Variants in CACNA1B observed in about 807,000 individuals in gnomAD.
CACNA1B encodes the protein calcium voltage-gated channel subunit alpha1 B.
CACNA1B carries 70 observed loss-of-function variants against 247.2 expected under a neutral mutation model. The observed-to-expected ratio is 0.28, with a 90% CI of 0.23 to 0.35. CACNA1B has a LOEUF of 0.35. Ranked by LOEUF, CACNA1B falls within the 10% of genes least tolerant of loss-of-function variation. The pLI, the probability that CACNA1B is intolerant of heterozygous loss-of-function variation, is 1.00. For missense variants in CACNA1B, 2,367 were observed against 3,197.4 expected (o/e 0.74, Z 6.26); for synonymous variants, 1,231 against 1,294.4 (o/e 0.95, Z 1.05).
Position 137,931,003 on chromosome 9 carries a change from T to C in CACNA1B, c.966+13572T>C, listed in dbSNP as rs565502677. Among the ~76,000 whole-genome samples the C allele has an allele frequency of 2.0e-5, 3 of 152,274 alleles. No individual in the cohort carries two copies. In the East Asian group the frequency reaches 5.8e-4, roughly 29 times the overall value. The stretch of plus-strand genomic sequence containing the variant: ...TGTCACCCAGGATGGAGTTTAGTGG[T>C]GTGATGGTGTGCAATCTCAGCTCAT... On this transcript the variant is annotated intron_variant, in intron 6 of 46. Transcript: ENST00000371372.
At chr9:138,035,441 G>T (rs544030970) in intron 20 of CACNA1B, among the ~76,000 whole-genome samples, 36 of 152,274 alleles carry the variant, frequency 2.4e-4, no homozygotes, top group East Asian at 2.3e-3. Flanking sequence ...ACTTCAGCCT[G>T]GGCAACAGCG....
At chr9:138,024,509 A>T (rs1285864422) in intron 19 of CACNA1B, among the ~76,000 whole-genome samples, 1 of 152,170 alleles carries the variant, frequency 6.6e-6, no homozygotes, top group Non-Finnish European at 1.5e-5. Flanking sequence ...AAAGACACGG[A>T]GGTGTATAGA....
chr9:137,899,428 C>A lies in CACNA1B; in HGVS notation c.531-13752C>A, dbSNP rs1315884647. 2.0e-5 allele frequency among the ~76,000 whole-genome samples: 3 copies of A among 152,158 alleles called. No individual in the cohort carries two copies. Among genetic ancestry groups the A allele is most frequent in the Non-Finnish European group, 2.9e-5 (2 of 68,032 alleles). ...CAAAGAACTGTGTAGTCTGCCAACT[C>A]CTGAGGGTGTCATGAGAGTCCCTGG... On this transcript the variant is annotated intron_variant, in intron 3 of 46. Coordinates refer to ENST00000371372, the MANE Select transcript of CACNA1B (RefSeq NM_000718.4). The surrounding 1 kb of genome is among the most constrained non-coding windows in gnomAD (Gnocchi z 5.0).
intron 42 of CACNA1B, among the ~76,000 whole-genome samples, chr9:138,117,614 C>G (rs566697413): frequency 6.6e-6 from 1 of 152,198 alleles, no homozygotes; most frequent in Non-Finnish European, 1.5e-5. Context: ...TCCAGAGGAG[C>G]GGGTGACGGA....
chr9:138,115,433 C>T (rs529232578), intron 41 of CACNA1B, 119 bp from the exon 42 acceptor site: 1 of 1,085,354 alleles, frequency 9.2e-7, no homozygotes, highest in East Asian at 2.6e-5. Context: ...GGAAAGAGCC[C>T]TTAGGCTGGG....
At chr9:138,024,290 G>T (rs1375439084) in intron 19 of CACNA1B, among the ~76,000 whole-genome samples, 1 of 152,174 alleles carries the variant, frequency 6.6e-6, no homozygotes, top group Non-Finnish European at 1.5e-5. Context: ...ACCCCAGCTA[G>T]CCCAGCTTGC....
intron 3 of CACNA1B, chr9:137,892,239 C>T (rs1437931427): frequency 1.3e-5 from 6 of 456,694 alleles, no homozygotes. Context: ...ACATTTCCTT[C>T]TCAGTCCTGG....
At chr9:138,117,909 T>C in intron 42 of CACNA1B, 37 bp from the exon 43 acceptor site, 1 of 1,518,060 alleles carries the variant, frequency 6.6e-7, no homozygotes, top group Admixed American at 1.9e-5. Flanking sequence ...CTGCAGTCTC[T>C]GACCCTACAG....
At chr9:137,887,239 A>G (rs1408002234) in intron 3 of CACNA1B, among the ~76,000 whole-genome samples, 16 of 148,138 alleles carry the variant, frequency 1.1e-4, no homozygotes, top group Admixed American at 9.4e-4. Context: ...TGGTCCAGCC[A>G]TGTGGTGGGG....
At chr9:137,903,364 G>A (rs1226279536) in intron 3 of CACNA1B, among the ~76,000 whole-genome samples, 7 of 152,114 alleles carry the variant, frequency 4.6e-5, no homozygotes, top group East Asian at 1.9e-4. Context: ...CCAGCCTGGC[G>A]AGAGAGCGAG....
Position 137,888,399 on chromosome 9 carries a change from G to T in CACNA1B, c.530+5516G>T, listed in dbSNP as rs1428347739. On this transcript the variant is annotated intron_variant, in intron 3 of 46. Coordinates refer to ENST00000371372, the MANE Select transcript of CACNA1B (RefSeq NM_000718.4). This position sits in a 1 kb window ranked among gnomAD's most constrained non-coding sequence, Gnocchi z 4.7. ...CCTGTCAAGCCTCTGGCCCTGTGGG[G>T]CTGGTTGCACCTGGGGGTCAGGGAC... Among the ~76,000 whole-genome samples the T allele has an allele frequency of 2.6e-5, 4 of 152,160 alleles. No individual in the cohort carries two copies. Among genetic ancestry groups the T allele is most frequent in the African/African-American group, 9.7e-5 (4 of 41,450 alleles).
intron 42 of CACNA1B, among the ~76,000 whole-genome samples, chr9:138,116,222 G>A (rs1961864008): frequency 2.0e-5 from 3 of 151,578 alleles, no homozygotes; most frequent in South Asian, 2.1e-4. Flanking sequence ...TTCTAACCCC[G>A]TAAGGCACTT....
chr9:137,976,074 A>C, intron 12 of CACNA1B, 55 bp downstream of exon 12: 1 of 1,070,192 alleles, frequency 9.3e-7, no homozygotes. Context: ...GCAGGTGCAC[A>C]CAGCCCCCTC....
intron 25 of CACNA1B, among the ~76,000 whole-genome samples, 193 bp from the exon 26 acceptor site, chr9:138,053,653 C>A (rs1398907782): frequency 4.1e-5 from 6 of 145,496 alleles, no homozygotes; most frequent in African/African-American, 1.5e-4. Context: ...CCCTCATGGC[C>A]CCACCCTCCC....
intron 39 of CACNA1B, among the ~76,000 whole-genome samples, chr9:138,107,359 G>C (rs1246344970): frequency 1.3e-5 from 2 of 151,702 alleles, no homozygotes. Flanking sequence ...TGATCCTCCT[G>C]CCTCGGCCTC....
At chr9:138,119,288 A>T (rs1372245958) in intron 44 of CACNA1B, among the ~76,000 whole-genome samples, 2 of 152,096 alleles carry the variant, frequency 1.3e-5, no homozygotes, top group Non-Finnish European at 1.5e-5. Context: ...GGATTCAGGA[A>T]GAGGAAGCTC....
chr9:138,102,848 T>C lies in CACNA1B; in HGVS notation c.5319+41T>C, dbSNP rs1341610387. 7.6e-7 allele frequency: 1 copy of C among 1,323,252 alleles called. No individual in the cohort carries two copies. The highest frequency in any genetic ancestry group is 2.3e-5 in the East Asian group (1 of 42,658). The allele number at this position is 1,323,252 out of a possible 1,614,324, so 82.0% of individuals were successfully genotyped here. ...GCAACCCGCCCCCCAGGAGGCTGTGTGTGCTTGCTGAGGGGTGCTTGCTGG... is the reference window on the plus strand; with the variant it reads ...GCAACCCGCCCCCCAGGAGGCTGTGCGTGCTTGCTGAGGGGTGCTTGCTGG... On this transcript the variant is annotated intron_variant, in intron 38 of 46. Transcript: ENST00000371372. This position sits in a 1 kb window ranked among gnomAD's most constrained non-coding sequence, Gnocchi z 5.4.
At chr9:138,037,197 T>C (rs1959056954) in intron 20 of CACNA1B, among the ~76,000 whole-genome samples, 1 of 152,244 alleles carries the variant, frequency 6.6e-6, no homozygotes, top group Non-Finnish European at 1.5e-5. Flanking sequence ...TTCTGTTACC[T>C]GGTAATTAGA....
intron 15 of CACNA1B, among the ~76,000 whole-genome samples, chr9:137,992,818 A>G (rs952710874): frequency 1.3e-5 from 2 of 151,728 alleles, no homozygotes; most frequent in African/African-American, 4.8e-5. Context: ...AAAAAAATCT[A>G]TATTATATCA....
Sources: allele counts gnomAD v4.1 joint callset (sites outside exome capture counted in the v4.1 genomes callset), GRCh38; gene constraint gnomAD v4.1.1; non-coding constraint Gnocchi (gnomAD v3.1); transcripts MANE v1.5; gene names NCBI Gene and HGNC (gene_info 2026-07-23, HGNC 2026-07-21).